FARS2: variants seen among roughly 807,000 people sequenced by gnomAD.
FARS2 encodes the protein phenylalanyl-tRNA synthetase 2, mitochondrial.
In FARS2, 40 loss-of-function variants were observed where a neutral mutation model predicts 46.4. The ratio of observed to expected loss-of-function variants is 0.86; its 90% CI spans 0.67 to 1.12. The LOEUF is 1.12. Among genes scored for constraint, FARS2 ranks in the 50% most tolerant of loss-of-function variants. The probability of loss-of-function intolerance (pLI) is 0.00; values close to 1 mark genes in which losing one functional copy is unlikely to be tolerated. For missense variants in FARS2, 513 were observed against 567.9 expected (o/e 0.90, Z 0.98); for synonymous variants, 234 against 214.9 (o/e 1.09, Z -0.78).
chr6:5,264,625 T>G (rs1765423733), intron 1 of FARS2, among the ~76,000 whole-genome samples: 1 of 152,122 alleles, frequency 6.6e-6, no homozygotes, highest in African/African-American at 2.4e-5. Flanking sequence ...CAGGCTTTTC[T>G]TGAACTCCTG....
chr6:5,769,365 C>T (rs1762913184), intron 6 of FARS2, among the ~76,000 whole-genome samples: 1 of 152,218 alleles, frequency 6.6e-6, no homozygotes, highest in African/African-American at 2.4e-5. Flanking sequence ...TCATAAGCTC[C>T]CACTCCTGGA....
chr6:5,347,131 C>T (rs1426661373), intron 1 of FARS2, among the ~76,000 whole-genome samples: 1 of 152,164 alleles, frequency 6.6e-6, no homozygotes, highest in East Asian at 1.9e-4. Flanking sequence ...CCTGGCTGGT[C>T]TTGAACTCCT....
At chr6:5,664,835 T>C (rs1261250082) in intron 6 of FARS2, 1 of 152,174 alleles carries the variant, frequency 6.6e-6, no homozygotes, top group Non-Finnish European at 1.5e-5. Context: ...GGAGAAGAGA[T>C]TAGAAGTCTT....
At chr6:5,686,733 G>A (rs978479649) in intron 6 of FARS2, among the ~76,000 whole-genome samples, 1 of 152,194 alleles carries the variant, frequency 6.6e-6, no homozygotes, top group East Asian at 1.9e-4. Context: ...TGGGATGGCT[G>A]GGTCAAATGG....
chr6:5,430,228 C>CT lies in FARS2; in HGVS notation c.773-807dup, dbSNP rs570381460. On this transcript the variant is annotated intron_variant, in intron 3 of 6. Coordinates refer to ENST00000274680, the MANE Select transcript of FARS2 (RefSeq NM_006567.5). ...AACACAGGATTTGTCAAAATGCCCA[C>CT]TTTTTTCTGTGTTCTTCTCAGTGGG... Among the ~76,000 whole-genome samples the CT allele has an allele frequency of 9.2e-5, 14 of 152,230 alleles. No individual in the cohort carries two copies. In the South Asian group the frequency reaches 2.7e-3, roughly 29 times the overall value.
chr6:5,254,604 A>G, the FARS2 span, among the ~76,000 whole-genome samples: 1 of 152,228 alleles, frequency 6.6e-6, no homozygotes, highest in Non-Finnish European at 1.5e-5. Flanking sequence ...TGTATGTGTG[A>G]TATGTGCCCT....
intron 6 of FARS2, among the ~76,000 whole-genome samples, chr6:5,709,084 G>T (rs191022709): frequency 6.6e-6 from 1 of 152,304 alleles, no homozygotes; most frequent in East Asian, 1.9e-4. Context: ...GGAGTTCCAC[G>T]GTCATTTATG....
At chr6:5,312,754 T>A (rs1769172041) in intron 1 of FARS2, among the ~76,000 whole-genome samples, 1 of 152,230 alleles carries the variant, frequency 6.6e-6, no homozygotes, top group African/African-American at 2.4e-5. Context: ...GAGTGCCCAG[T>A]ATGTGCAAGC....
intron 4 of FARS2, among the ~76,000 whole-genome samples, chr6:5,465,361 C>G (rs566350355): frequency 6.6e-6 from 1 of 152,128 alleles, no homozygotes; most frequent in Non-Finnish European, 1.5e-5. Flanking sequence ...GATGTGCATA[C>G]TTTTTATTTG....
chr6:5,347,631 T>G lies in FARS2; in HGVS notation c.-21-20919T>G, dbSNP rs146356701. On this transcript the variant is annotated intron_variant, in intron 1 of 6. Coordinates refer to ENST00000274680, the MANE Select transcript of FARS2 (RefSeq NM_006567.5). The stretch of plus-strand genomic sequence containing the variant: ...AATAAAGTTGCAGTGAATATACAAC[T>G]CTTTTTCTTGTGAGTATTTTTTCTT... Among the ~76,000 whole-genome samples, 136 of 152,318 alleles carry G rather than the reference T, an allele frequency of 8.9e-4. 1 individual carries two copies. The highest frequency in any genetic ancestry group is 3.2e-3 in the African/African-American group (132 of 41,572).
chr6:5,290,066 A>C (rs1384086461), intron 1 of FARS2, among the ~76,000 whole-genome samples: 1 of 152,198 alleles, frequency 6.6e-6, no homozygotes, highest in Non-Finnish European at 1.5e-5. Context: ...TTAAAGTGTA[A>C]AATAGTTTTG....
At chr6:5,690,421 T>C (rs1561802956) in intron 6 of FARS2, among the ~76,000 whole-genome samples, 1 of 151,262 alleles carries the variant, frequency 6.6e-6, no homozygotes, top group Non-Finnish European at 1.5e-5. Flanking sequence ...AGCATTTGCT[T>C]GTCTGTAAAG....
chr6:5,441,064 G>A (rs896029597), intron 4 of FARS2, among the ~76,000 whole-genome samples: 1 of 152,126 alleles, frequency 6.6e-6, no homozygotes, highest in Non-Finnish European at 1.5e-5. Flanking sequence ...TGGGACTACA[G>A]GTGTGCGCCA....
At chr6:5,257,330 C>T (rs1764725922), upstream of FARS2, among the ~76,000 whole-genome samples, 1 of 152,162 alleles carries the variant, frequency 6.6e-6, no homozygotes, top group Non-Finnish European at 1.5e-5. Flanking sequence ...CTGCTTCATG[C>T]CTTTGATCCA....
At chr6:5,453,541 C>T (rs2472863) in intron 4 of FARS2, among the ~76,000 whole-genome samples, 45,626 of 152,148 alleles carry the variant, frequency 0.3, 7,051 homozygotes, top group African/African-American at 0.35. Context: ...AATGAGCTTT[C>T]TGACATTCCT....
chr6:5,678,720 T>C (rs1778885089), intron 6 of FARS2, among the ~76,000 whole-genome samples: 1 of 152,194 alleles, frequency 6.6e-6, no homozygotes, highest in Non-Finnish European at 1.5e-5. Context: ...GGGACCTACC[T>C]GGCTGAGTGG....
At chr6:5,733,915 T>G (rs1174107812) in intron 6 of FARS2, among the ~76,000 whole-genome samples, 1 of 152,232 alleles carries the variant, frequency 6.6e-6, no homozygotes, top group African/African-American at 2.4e-5. Context: ...GGAATAGCCT[T>G]GCTATTGCAG....
At chr6:5,449,537 G>A (rs1203882821) in intron 4 of FARS2, among the ~76,000 whole-genome samples, 1 of 151,944 alleles carries the variant, frequency 6.6e-6, no homozygotes, top group Non-Finnish European at 1.5e-5. Flanking sequence ...TTGGCATAAG[G>A]CAAAAGTTCT....
intron 1 of FARS2, among the ~76,000 whole-genome samples, chr6:5,327,521 T>C (rs972927912): frequency 2.0e-5 from 3 of 152,276 alleles, no homozygotes; most frequent in South Asian, 2.1e-4. Context: ...CTGATGGTTT[T>C]ATAAAAGGAA....
Sources: allele counts gnomAD v4.1 joint callset (sites outside exome capture counted in the v4.1 genomes callset), GRCh38; gene constraint gnomAD v4.1.1; transcripts MANE v1.5; gene names NCBI Gene and HGNC (gene_info 2026-07-23, HGNC 2026-07-21).